Variants in MICU1 observed in about 807,000 individuals in gnomAD.
The protein encoded by MICU1 is calcium uptake protein 1, mitochondrial.
A neutral mutation model predicts 56.8 loss-of-function variants in MICU1; 45 were observed. That is an observed-to-expected ratio of 0.79 (90% CI 0.62 to 1.02). The LOEUF is 1.02. Ranked by LOEUF, MICU1 falls within the 50% of genes least tolerant of loss-of-function variation. The pLI, the probability that MICU1 is intolerant of heterozygous loss-of-function variation, is 0.00. For synonymous variants in MICU1, 186 were observed against 195.1 expected, an observed-to-expected ratio of 0.95 and a Z score of 0.39; for missense variants, 504 against 587.1, an observed-to-expected ratio of 0.86 and a Z score of 1.46.
At chr10:72,396,255 C>G (rs190097023) in intron 10 of MICU1, among the ~76,000 whole-genome samples, 64 of 152,314 alleles carry the variant, frequency 4.2e-4, no homozygotes, top group African/African-American at 1.5e-3. Flanking sequence ...ACAAAAAGGA[C>G]GTCCACACCA....
At chr10:72,424,528 G>A (rs940635489) in intron 8 of MICU1, among the ~76,000 whole-genome samples, 1 of 151,872 alleles carries the variant, frequency 6.6e-6, no homozygotes, top group African/African-American at 2.4e-5. Flanking sequence ...ATGTTGCCAG[G>A]CTGGTCTTGA....
intron 6 of MICU1, among the ~76,000 whole-genome samples, chr10:72,479,478 C>T (rs570281807): frequency 2.0e-5 from 3 of 152,266 alleles, no homozygotes; most frequent in South Asian, 2.1e-4. Context: ...TAGGCTTGAC[C>T]GTAGTAAATG....
At position 72,414,203 on chromosome 10, in the gene MICU1, A is replaced by C. The variant is rs188534043; in HGVS notation, c.1072-6166T>G. Among the ~76,000 whole-genome samples the C allele has an allele frequency of 2.8e-3, 434 of 152,342 alleles. 4 individuals are homozygous for C. Among genetic ancestry groups the C allele is most frequent in the African/African-American group, 9.9e-3 (413 of 41,580 alleles). On this transcript the variant is annotated intron_variant, in intron 9 of 11. Coordinates refer to ENST00000361114, the MANE Select transcript of MICU1 (RefSeq NM_001195518.2). Reference sequence around the variant, plus strand: ...ACAGCAGCATTATTCCTAATAGCCCAAAACTGGAAACAATCCAAATGTGAA... The same window carrying C: ...ACAGCAGCATTATTCCTAATAGCCCCAAACTGGAAACAATCCAAATGTGAA...
chr10:72,588,171 T>C (rs999511905), intron 1 of MICU1, among the ~76,000 whole-genome samples: 1 of 152,042 alleles, frequency 6.6e-6, no homozygotes, highest in African/African-American at 2.4e-5. Flanking sequence ...CTCTTCTCTC[T>C]CTCCTGCTCT....
intron 8 of MICU1, among the ~76,000 whole-genome samples, chr10:72,449,871 A>G (rs1367636137): frequency 6.6e-6 from 1 of 152,120 alleles, no homozygotes; most frequent in Non-Finnish European, 1.5e-5. Context: ...AGAATTGTTG[A>G]AAGCGGGGCT....
intron 9 of MICU1, among the ~76,000 whole-genome samples, chr10:72,408,303 T>C (rs1245854163): frequency 2.6e-5 from 4 of 152,184 alleles, no homozygotes; most frequent in African/African-American, 7.2e-5. Context: ...AATATCTTAA[T>C]GAAAATATTT....
At chr10:72,597,120 A>C (rs888478469) in intron 1 of MICU1, among the ~76,000 whole-genome samples, 1 of 152,138 alleles carries the variant, frequency 6.6e-6, no homozygotes, top group Non-Finnish European at 1.5e-5. Context: ...TATTAATTTA[A>C]AAAAATTTTA....
chr10:72,440,908 T>C (rs1173848776), intron 8 of MICU1, among the ~76,000 whole-genome samples: 3 of 152,154 alleles, frequency 2.0e-5, no homozygotes, highest in Non-Finnish European at 4.4e-5. Context: ...CAACAGATTC[T>C]GGAGAGGATG....
At chr10:72,546,629 C>T (rs190423613) in intron 4 of MICU1, among the ~76,000 whole-genome samples, 2 of 152,190 alleles carry the variant, frequency 1.3e-5, no homozygotes, top group Admixed American at 6.5e-5. Context: ...TTTCTCTTAA[C>T]GCAAACAAGA....
At chr10:72,475,047 C>G in intron 8 of MICU1, 53 bp downstream of exon 8, 1 of 1,497,114 alleles carries the variant, frequency 6.7e-7, no homozygotes, top group Non-Finnish European at 9.1e-7. Context: ...TACAGGCCCT[C>G]CTGCCCATCA....
Position 72,435,649 on chromosome 10 carries a change from G to A in MICU1, c.934-12278C>T, listed in dbSNP as rs1427648996. Among the ~76,000 whole-genome samples the A allele has an allele frequency of 3.9e-5, 6 of 152,200 alleles. No individual in the cohort carries two copies. The East Asian group carries it at 5.8e-4, about 15-fold the overall frequency. On this transcript the variant is annotated intron_variant, in intron 8 of 11. Coordinates refer to ENST00000361114, the MANE Select transcript of MICU1 (RefSeq NM_001195518.2). Reference sequence around the variant, plus strand: ...TTCCCTTTCCTAGCCAAGGGAAGCCGTGACAGACTGCCTGGAAAAACGGGA... The same window carrying A: ...TTCCCTTTCCTAGCCAAGGGAAGCCATGACAGACTGCCTGGAAAAACGGGA...
intron 4 of MICU1, among the ~76,000 whole-genome samples, chr10:72,550,194 A>G (rs1041502057): frequency 9.2e-5 from 14 of 152,152 alleles, no homozygotes; most frequent in African/African-American, 2.4e-4. Flanking sequence ...ACTATTTTCC[A>G]TCTTTTATAC....
intron 4 of MICU1, among the ~76,000 whole-genome samples, chr10:72,536,343 A>T (rs934208278): frequency 4.3e-4 from 66 of 152,102 alleles, no homozygotes; most frequent in African/African-American, 1.5e-3. Context: ...AATAAGGTTA[A>T]TTAATTAATT....
At chr10:72,470,041 T>C (rs1865903517) in intron 8 of MICU1, among the ~76,000 whole-genome samples, 1 of 152,202 alleles carries the variant, frequency 6.6e-6, no homozygotes, top group African/African-American at 2.4e-5. Context: ...GGTTGGGACA[T>C]CAACGTAGGA....
chr10:72,486,690 C>T (rs1472259070), intron 6 of MICU1, among the ~76,000 whole-genome samples: 1 of 152,078 alleles, frequency 6.6e-6, no homozygotes, highest in Non-Finnish European at 1.5e-5. Context: ...CAGGCTGGTC[C>T]CAAACTCTTG....
chr10:72,482,427 C>A (rs1866329678), intron 6 of MICU1, among the ~76,000 whole-genome samples: 1 of 152,122 alleles, frequency 6.6e-6, no homozygotes, highest in Non-Finnish European at 1.5e-5. Context: ...TATGCAATGT[C>A]AGAGAAGTCT....
At chr10:72,545,213 T>C (rs1172244543) in intron 4 of MICU1, among the ~76,000 whole-genome samples, 1 of 152,188 alleles carries the variant, frequency 6.6e-6, no homozygotes, top group African/African-American at 2.4e-5. Context: ...CGAAGCCAAA[T>C]TTCCCACTGA....
At chr10:72,596,272 G>A (rs1841378430) in intron 1 of MICU1, among the ~76,000 whole-genome samples, 1 of 152,040 alleles carries the variant, frequency 6.6e-6, no homozygotes, top group Non-Finnish European at 1.5e-5. Flanking sequence ...ACTGTGCCCC[G>A]CTGAAACATT....
rs1326866263 is a variant in MICU1 at position 72,502,160 on chromosome 10, T to TG, written c.652+5994_652+5995insC. Among the ~76,000 whole-genome samples, 304 of 49,892 alleles carry TG rather than the reference T, an allele frequency of 6.1e-3. 1 individual carries two copies. Among genetic ancestry groups the TG allele is most frequent in the Middle Eastern group, 0.048 (3 of 62 alleles). The allele number at this position is 49,892 out of a possible 152,430, so 32.7% of individuals were successfully genotyped here. A position where few individuals can be genotyped will look rare whatever the true frequency, so the allele number is the denominator to read the frequency against. On this transcript the variant is annotated intron_variant, in intron 6 of 11. Coordinates refer to ENST00000361114, the MANE Select transcript of MICU1 (RefSeq NM_001195518.2). Reference sequence around the variant, plus strand: ...TTTGTTTTGCTGTTTTTTTTTTTGTTTTTTTTTTTTTTTTGAGTCAGTCTC... The same window carrying TG: ...TTTGTTTTGCTGTTTTTTTTTTTGTTGTTTTTTTTTTTTTTGAGTCAGTCTC...
Sources: gnomAD v4.1 joint callset for allele counts (sites outside exome capture counted in the v4.1 genomes callset) on GRCh38, gnomAD v4.1.1 for gene constraint, MANE v1.5 for transcripts, NCBI Gene and HGNC (gene_info 2026-07-23, HGNC 2026-07-21) for gene names.